Variants in CFAP299 observed in about 807,000 individuals in gnomAD.
The protein encoded by CFAP299 is cilia- and flagella-associated protein 299.
A neutral mutation model predicts 27.0 loss-of-function variants in CFAP299; 21 were observed. That is an observed-to-expected ratio of 0.78 (90% CI 0.55 to 1.12). The LOEUF (loss-of-function observed/expected upper bound fraction) is 1.12. CFAP299 is among the 50% of genes most tolerant of loss of function. The pLI, the probability that CFAP299 is intolerant of heterozygous loss-of-function variation, is 0.00. For missense variants in CFAP299, 310 were observed against 276.6 expected (o/e 1.12, Z -0.86); for synonymous variants, 104 against 98.1 (o/e 1.06, Z -0.36).
chr4:80,818,834 T>G (rs1729554929), intron 3 of CFAP299, among the ~76,000 whole-genome samples: 1 of 152,178 alleles, frequency 6.6e-6, no homozygotes, highest in South Asian at 2.1e-4. Context: ...TAGAGTCTAC[T>G]AAACAGAATA....
chr4:80,538,012 A>G (rs1387496057), intron 2 of CFAP299, among the ~76,000 whole-genome samples: 1 of 152,182 alleles, frequency 6.6e-6, no homozygotes, highest in Non-Finnish European at 1.5e-5. Flanking sequence ...TGTGCCACAT[A>G]ATCATCTTTC....
intron 3 of CFAP299, among the ~76,000 whole-genome samples, chr4:80,805,034 A>G (rs1436797101): frequency 6.6e-6 from 1 of 152,010 alleles, no homozygotes; most frequent in African/African-American, 2.4e-5. Context: ...TGTACGTTCT[A>G]TAGCTATTTT....
chr4:80,583,205 G>T, intron 3 of CFAP299, 22 bp downstream of exon 3: 1 of 1,460,056 alleles, frequency 6.8e-7, no homozygotes. Flanking sequence ...TCATCCAACA[G>T]CTTAAAATGT....
intron 3 of CFAP299, among the ~76,000 whole-genome samples, chr4:80,716,707 C>T (rs1722506895): frequency 1.3e-5 from 2 of 152,038 alleles, no homozygotes; most frequent in African/African-American, 4.8e-5. Flanking sequence ...GATAAAGCAC[C>T]TGTCTTTTAT....
At chr4:80,597,231 T>C (rs80118959) in intron 3 of CFAP299, among the ~76,000 whole-genome samples, 3,837 of 152,248 alleles carry the variant, frequency 0.025, 76 homozygotes, top group Non-Finnish European at 0.038. Context: ...CTTGCTAACA[T>C]TTAGTATTTT....
chr4:80,631,221 C>G (rs967459396), intron 3 of CFAP299, among the ~76,000 whole-genome samples: 3 of 151,858 alleles, frequency 2.0e-5, no homozygotes, highest in African/African-American at 7.3e-5. Context: ...AAATAAGTAA[C>G]CTTTATCATT....
At chr4:80,866,703 TA>T (rs1200595239) in intron 3 of CFAP299, among the ~76,000 whole-genome samples, 2 of 152,096 alleles carry the variant, frequency 1.3e-5, no homozygotes, top group Non-Finnish European at 2.9e-5. Flanking sequence ...TGACCTCACT[TA>T]AAGTCCTCCA....
chr4:80,576,418 A>C (rs972691979), intron 2 of CFAP299, among the ~76,000 whole-genome samples: 13 of 151,832 alleles, frequency 8.6e-5, no homozygotes, highest in African/African-American at 2.7e-4. Context: ...ATACAGTAAA[A>C]ACATATCTTC....
intron 3 of CFAP299, among the ~76,000 whole-genome samples, chr4:80,780,940 C>T (rs994385125): frequency 1.3e-5 from 2 of 151,646 alleles, no homozygotes; most frequent in African/African-American, 2.4e-5. Context: ...TATGCTGATC[C>T]TTTGTGACAA....
intron 5 of CFAP299, among the ~76,000 whole-genome samples, chr4:80,951,692 T>C (rs12648651): frequency 6.6e-6 from 1 of 152,150 alleles, no homozygotes; most frequent in South Asian, 2.1e-4. Context: ...CCTCTTCAGG[T>C]AACCCTAAAG....
intron 3 of CFAP299, among the ~76,000 whole-genome samples, chr4:80,693,956 C>T (rs1054154716): frequency 2.6e-5 from 4 of 151,858 alleles, no homozygotes; most frequent in Non-Finnish European, 5.9e-5. Context: ...TCATAAAAAG[C>T]CAAATGTAGT....
intron 2 of CFAP299, among the ~76,000 whole-genome samples, chr4:80,397,805 G>A (rs932853687): frequency 3.3e-5 from 5 of 152,022 alleles, no homozygotes; most frequent in African/African-American, 4.8e-5. Flanking sequence ...CTCACCACTC[G>A]TATTCAACAT....
intron 3 of CFAP299, among the ~76,000 whole-genome samples, chr4:80,770,804 G>T (rs1026298844): frequency 1.3e-5 from 2 of 152,094 alleles, no homozygotes; most frequent in Non-Finnish European, 2.9e-5. Context: ...GTAAGTCCCT[G>T]TTGTCTTGTT....
At chr4:80,608,760 GGTTTAATGA>G (rs938063675) in intron 3 of CFAP299, among the ~76,000 whole-genome samples, 16 of 152,078 alleles carry the variant, frequency 1.1e-4, no homozygotes, top group African/African-American at 3.6e-4. Context: ...GAAGCCAGGA[GGTTTAATGA>G]GTAATAATAG....
intron 2 of CFAP299, among the ~76,000 whole-genome samples, chr4:80,508,454 A>G (rs1261664192): frequency 2.0e-5 from 3 of 152,178 alleles, no homozygotes; most frequent in Admixed American, 1.3e-4. Flanking sequence ...GAAACTTGCT[A>G]TAAGAAGCAT....
chr4:80,642,077 C>T (rs1315031307), intron 3 of CFAP299, among the ~76,000 whole-genome samples: 1 of 152,180 alleles, frequency 6.6e-6, no homozygotes, highest in Non-Finnish European at 1.5e-5. Context: ...AAAGGCCAGT[C>T]TGAGGAGTTT....
At chr4:80,901,318 T>C (rs533467610) in intron 4 of CFAP299, among the ~76,000 whole-genome samples, 2 of 152,308 alleles carry the variant, frequency 1.3e-5, no homozygotes, top group Admixed American at 1.3e-4. Flanking sequence ...CATTACTGTA[T>C]CAACAGGATT....
At chr4:80,442,521 A>G (rs1728407786) in intron 2 of CFAP299, among the ~76,000 whole-genome samples, 1 of 152,248 alleles carries the variant, frequency 6.6e-6, no homozygotes, top group Admixed American at 6.5e-5. Context: ...GAAAAAAGAC[A>G]CAACATACCA....
chr4:80,455,641 A>T (rs998280172), intron 2 of CFAP299, among the ~76,000 whole-genome samples: 1 of 152,224 alleles, frequency 6.6e-6, no homozygotes. Context: ...GAGTGAAAAA[A>T]AAAAGATATT....
Sources: allele counts gnomAD v4.1 joint callset (sites outside exome capture counted in the v4.1 genomes callset), GRCh38; gene constraint gnomAD v4.1.1; transcripts MANE v1.5; gene names NCBI Gene and HGNC (gene_info 2026-07-23, HGNC 2026-07-21).